SRGAP3: variants seen among roughly 807,000 people sequenced by gnomAD.
SRGAP3 encodes SLIT-ROBO Rho GTPase activating protein 3.
SRGAP3 carries 39 observed loss-of-function variants against 121.1 expected under a neutral mutation model. The observed-to-expected ratio is 0.32, with a 90% CI of 0.25 to 0.42. The LOEUF is 0.42. Ranked by LOEUF, SRGAP3 falls within the 10% of genes least tolerant of loss-of-function variation. The pLI, the probability that SRGAP3 is intolerant of heterozygous loss-of-function variation, is 1.00. For synonymous variants in SRGAP3, 601 were observed against 570.0 expected, an observed-to-expected ratio of 1.05 and a Z score of -0.77; for missense variants, 1,213 against 1,470.6, an observed-to-expected ratio of 0.82 and a Z score of 2.86.
At chr3:9,311,796 G>A (rs1291879888) in intron 3 of SRGAP3, among the ~76,000 whole-genome samples, 3 of 152,254 alleles carry the variant, frequency 2.0e-5, no homozygotes, top group Non-Finnish European at 4.4e-5. Context: ...TGATGCTGGG[G>A]TTGGAGGAGG....
intron 3 of SRGAP3, among the ~76,000 whole-genome samples, chr3:9,304,817 C>G (rs1955129986): frequency 1.3e-5 from 2 of 152,146 alleles, no homozygotes; most frequent in African/African-American, 4.8e-5. Flanking sequence ...TCCCAGGGGA[C>G]AGGTATTCAG....
chr3:9,262,534 C>CAAAAAAAAAA (rs765408588), intron 3 of SRGAP3, among the ~76,000 whole-genome samples: 15 of 25,566 alleles, frequency 5.9e-4, no homozygotes, highest in African/African-American at 8.9e-4. Context: ...AAATGGAAAG[C>CAAAAAAAAAA]AAAAAAAAAA....
At chr3:9,333,149 T>C (rs1169875565) in intron 1 of SRGAP3, among the ~76,000 whole-genome samples, 1 of 152,218 alleles carries the variant, frequency 6.6e-6, no homozygotes. Context: ...TAAAGCTTGT[T>C]ATTACTCTCG....
intron 1 of SRGAP3, among the ~76,000 whole-genome samples, chr3:9,340,050 A>T (rs1955756756): frequency 6.6e-6 from 1 of 152,134 alleles, no homozygotes; most frequent in Admixed American, 6.5e-5. Flanking sequence ...ACCCCAACAG[A>T]GAGGAGTGAA....
chr3:9,181,429 T>G (rs1187917905), intron 1 of SRGAP3, among the ~76,000 whole-genome samples: 1 of 152,228 alleles, frequency 6.6e-6, no homozygotes, highest in Non-Finnish European at 1.5e-5. Context: ...GAAGTCCAGG[T>G]TGACTCAGGG....
Sources: gnomAD v4.1 joint callset for allele counts (sites outside exome capture counted in the v4.1 genomes callset) on GRCh38, gnomAD v4.1.1 for gene constraint, MANE v1.5 for transcripts, NCBI Gene and HGNC (gene_info 2026-07-23, HGNC 2026-07-21) for gene names.